Variants in KIAA1217 observed in about 807,000 individuals in gnomAD.
KIAA1217 encodes the protein KIAA1217.
In KIAA1217, 88 loss-of-function variants were observed where a neutral mutation model predicts 163.9. That is an observed-to-expected ratio of 0.54 (90% CI 0.45 to 0.64). The LOEUF (loss-of-function observed/expected upper bound fraction) is 0.64. Ranked by LOEUF, KIAA1217 falls within the 30% of genes least tolerant of loss-of-function variation. The probability of loss-of-function intolerance (pLI) is 0.00; values close to 1 mark genes in which losing one functional copy is unlikely to be tolerated. For missense variants in KIAA1217, 2,372 were observed against 2,475.0 expected (o/e 0.96, Z 0.88); for synonymous variants, 903 against 923.1 (o/e 0.98, Z 0.39).
intron 3 of KIAA1217, among the ~76,000 whole-genome samples, chr10:24,396,709 C>A (rs751853611): frequency 1.3e-5 from 2 of 152,098 alleles, no homozygotes; most frequent in Non-Finnish European, 2.9e-5. Flanking sequence ...AAAGAGCATG[C>A]CTGGAGCATT....
chr10:24,546,534 C>T lies in KIAA1217; in HGVS notation c.*210C>T. On this transcript the variant is annotated 3_prime_UTR_variant, in exon 21 of 21. Coordinates refer to ENST00000376454, the MANE Select transcript of KIAA1217 (RefSeq NM_019590.5). ...ACCTAGTTGCTATAGTGTCTACAGTCTATACTCAATACCTATAAAATGCAG... is the reference window on the plus strand; with the variant it reads ...ACCTAGTTGCTATAGTGTCTACAGTTTATACTCAATACCTATAAAATGCAG... 1 of 556,082 alleles carries T rather than the reference C, an allele frequency of 1.8e-6. No individual in the cohort carries two copies. The highest frequency in any genetic ancestry group is 3.6e-5 in the Admixed American group (1 of 27,724). The allele number at this position is 556,082 out of a possible 1,614,324, so 34.4% of individuals were successfully genotyped here.
intron 1 of KIAA1217, among the ~76,000 whole-genome samples, chr10:23,894,558 A>G (rs183498301): frequency 4.8e-4 from 73 of 150,854 alleles, no homozygotes; most frequent in Non-Finnish European, 9.0e-4. Context: ...GAAAATGGCC[A>G]TGCTGCCCAA....
chr10:23,788,729 AGCAGCACTTGTCAG>A (rs1835606166), intron 1 of KIAA1217, among the ~76,000 whole-genome samples: 1 of 152,222 alleles, frequency 6.6e-6, no homozygotes, highest in African/African-American at 2.4e-5. Flanking sequence ...AATCACCATG[AGCAGCACTTGTCAG>A]GCAGCTCTAT....
intron 2 of KIAA1217, among the ~76,000 whole-genome samples, chr10:24,191,373 C>T (rs1447214255): frequency 6.6e-6 from 1 of 152,062 alleles, no homozygotes; most frequent in East Asian, 1.9e-4. Context: ...TTGGAAATAC[C>T]TGCAAAAATC....
At chr10:24,530,086 C>G (rs144286801) in intron 14 of KIAA1217, among the ~76,000 whole-genome samples, 3 of 151,938 alleles carry the variant, frequency 2.0e-5, no homozygotes, top group African/African-American at 7.3e-5. Flanking sequence ...CCTGAGTCAC[C>G]GGCCAGCTCA....
intron 2 of KIAA1217, among the ~76,000 whole-genome samples, chr10:24,198,409 G>C (rs1244132898): frequency 6.6e-6 from 1 of 152,108 alleles, no homozygotes; most frequent in African/African-American, 2.4e-5. Flanking sequence ...AGGAGTTTGA[G>C]ACCAGCCTGG....
chr10:23,731,813 G>A (rs1187128735), intron 1 of KIAA1217, among the ~76,000 whole-genome samples: 1 of 152,016 alleles, frequency 6.6e-6, no homozygotes, highest in Non-Finnish European at 1.5e-5. Flanking sequence ...AATCATGAGT[G>A]AGTGTTAGAT....
chr10:24,366,647 A>T lies in KIAA1217; in HGVS notation c.355-14222A>T, dbSNP rs549536784. 5.9e-5 allele frequency among the ~76,000 whole-genome samples: 9 copies of T among 152,284 alleles called. No individual in the cohort carries two copies. The East Asian group carries it at 1.7e-3, about 29-fold the overall frequency. ...CTTGGGTGTGCCCTCCTGCATGGCA[A>T]AGCATGGGCAGAGAGCACTGCACTC... On this transcript the variant is annotated intron_variant, in intron 2 of 20. Transcript: ENST00000376454.
At chr10:23,952,339 A>G (rs976362982) in intron 1 of KIAA1217, among the ~76,000 whole-genome samples, 1 of 152,116 alleles carries the variant, frequency 6.6e-6, no homozygotes, top group Non-Finnish European at 1.5e-5. Context: ...CGTGTTCTGG[A>G]CTTTGCTGTC....
At chr10:23,724,055 ACCTAAGAACTCACTCACT>A (rs1213011317) in intron 1 of KIAA1217, among the ~76,000 whole-genome samples, 3 of 152,130 alleles carry the variant, frequency 2.0e-5, no homozygotes, top group South Asian at 2.1e-4. Context: ...CACTAAAATT[ACCTAAGAACTCACTCACT>A]CCTAAGAACT....
At chr10:24,145,418 C>T (rs911361816) in intron 2 of KIAA1217, among the ~76,000 whole-genome samples, 1 of 152,202 alleles carries the variant, frequency 6.6e-6, no homozygotes, top group African/African-American at 2.4e-5. Context: ...GGACCTCTTA[C>T]AAGAGCTAGT....
intron 1 of KIAA1217, among the ~76,000 whole-genome samples, chr10:23,852,209 A>G (rs1318540065): frequency 6.6e-6 from 1 of 152,110 alleles, no homozygotes; most frequent in Non-Finnish European, 1.5e-5. Context: ...TAAGGAAGGG[A>G]TCCAGTTTCA....
intron 5 of KIAA1217, chr10:24,449,777 C>G (rs1592038861): frequency 1.0e-6 from 1 of 974,922 alleles, no homozygotes; most frequent in East Asian, 1.1e-4. Context: ...AAGAACTGTG[C>G]CTTTATGATA....
intron 2 of KIAA1217, among the ~76,000 whole-genome samples, chr10:24,312,841 A>AAGC (rs2042884587): frequency 6.6e-6 from 1 of 151,504 alleles, no homozygotes; most frequent in South Asian, 2.1e-4. Flanking sequence ...CTTGAGACTG[A>AAGC]GGAGGTCTGG....
intron 1 of KIAA1217, among the ~76,000 whole-genome samples, chr10:23,846,687 C>T (rs1158158008): frequency 1.3e-5 from 2 of 152,116 alleles, no homozygotes; most frequent in Non-Finnish European, 2.9e-5. Flanking sequence ...CAAACAGAGA[C>T]AATTTGACTT....
intron 2 of KIAA1217, among the ~76,000 whole-genome samples, chr10:24,046,354 T>G (rs368450984): frequency 6.6e-5 from 10 of 152,278 alleles, no homozygotes; most frequent in African/African-American, 2.2e-4. Context: ...TGTGTCATAG[T>G]CCTATTGCTA....
At chr10:24,464,599 C>T (rs536259303) in intron 5 of KIAA1217, among the ~76,000 whole-genome samples, 8 of 152,240 alleles carry the variant, frequency 5.3e-5, no homozygotes, top group Admixed American at 2.6e-4. Context: ...GATCCTCCCA[C>T]CTCAGCCTCC....
chr10:24,106,019 G>A (rs993548351), intron 2 of KIAA1217, among the ~76,000 whole-genome samples: 2 of 152,152 alleles, frequency 1.3e-5, no homozygotes, highest in Admixed American at 6.5e-5. Flanking sequence ...TCTAAGCACC[G>A]GGAACCTTGT....
intron 11 of KIAA1217, among the ~76,000 whole-genome samples, chr10:24,520,627 C>CAAAAAAAAAAAA (rs71472812): frequency 1.1e-4 from 5 of 44,940 alleles, no homozygotes; most frequent in Admixed American, 4.1e-4. Context: ...ACATCTCTAC[C>CAAAAAAAAAAAA]AAAAAAAAAA....
Sources: allele counts gnomAD v4.1 joint callset (sites outside exome capture counted in the v4.1 genomes callset), GRCh38; gene constraint gnomAD v4.1.1; transcripts MANE v1.5; gene names NCBI Gene and HGNC (gene_info 2026-07-23, HGNC 2026-07-21).